UBR1: variants seen among roughly 807,000 people sequenced by gnomAD.
UBR1 encodes ubiquitin protein ligase E3 component n-recognin 1.
Under a neutral mutation model 242.1 loss-of-function variants are expected in UBR1, and 102 were observed. That is an observed-to-expected ratio of 0.42 (90% CI 0.36 to 0.50). The LOEUF (loss-of-function observed/expected upper bound fraction) is 0.50. Ranked by LOEUF, UBR1 falls within the 20% of genes least tolerant of loss-of-function variation. UBR1 has a pLI of 0.01. For synonymous variants in UBR1, 675 were observed against 684.8 expected, an observed-to-expected ratio of 0.99 and a Z score of 0.22; for missense variants, 1,772 against 2,101.8, an observed-to-expected ratio of 0.84 and a Z score of 3.07.
chr15:43,074,150 T>C (rs1037592667), intron 4 of UBR1, among the ~76,000 whole-genome samples: 11 of 152,232 alleles, frequency 7.2e-5, no homozygotes, highest in African/African-American at 1.9e-4. Flanking sequence ...TCAAGTGTAA[T>C]TGCACAAAAT....
At chr15:43,082,852 G>C (rs938676141) in intron 2 of UBR1, 136 bp from the exon 3 acceptor site, 10 of 704,936 alleles carry the variant, frequency 1.4e-5, no homozygotes, top group Non-Finnish European at 2.0e-5. Context: ...AAACTGGATT[G>C]TTAAAATGTT....
chr15:42,966,972 T>G (rs982116447), intron 40 of UBR1, among the ~76,000 whole-genome samples: 2 of 152,084 alleles, frequency 1.3e-5, no homozygotes, highest in Non-Finnish European at 2.9e-5. Flanking sequence ...CAGGCTGGAG[T>G]GCAGTGCTGC....
At chr15:42,979,430 A>T (rs1315708598) in intron 37 of UBR1, among the ~76,000 whole-genome samples, 1 of 152,166 alleles carries the variant, frequency 6.6e-6, no homozygotes, top group East Asian at 1.9e-4. Flanking sequence ...TCAGACTAAA[A>T]TGGCTTCCAG....
chr15:43,028,780 AATAT>A (rs150339606), intron 21 of UBR1, among the ~76,000 whole-genome samples: 1 of 146,958 alleles, frequency 6.8e-6, no homozygotes. Flanking sequence ...ACAACAAAAA[AATAT>A]ATATATATAT....
intron 3 of UBR1, among the ~76,000 whole-genome samples, chr15:43,077,901 A>G (rs1327185707): frequency 6.6e-6 from 1 of 152,142 alleles, no homozygotes; most frequent in African/African-American, 2.4e-5. Flanking sequence ...TCCAAAACAT[A>G]AAAAGAATAA....
intron 34 of UBR1, 72 bp from the exon 35 acceptor site, chr15:42,989,039 T>C (rs2032517504): frequency 2.3e-6 from 3 of 1,306,368 alleles, no homozygotes; most frequent in South Asian, 1.2e-5. Context: ...AATTAAGTCC[T>C]GAAGCAACAG....
chr15:43,023,796 T>C (rs958932203), intron 25 of UBR1, among the ~76,000 whole-genome samples: 2 of 152,132 alleles, frequency 1.3e-5, no homozygotes, highest in Non-Finnish European at 2.9e-5. Context: ...ATAACATTTT[T>C]GGAGGCCAAT....
chr15:43,000,667 T>C (rs1030183439), intron 32 of UBR1, among the ~76,000 whole-genome samples: 1 of 152,200 alleles, frequency 6.6e-6, no homozygotes, highest in African/African-American at 2.4e-5. Flanking sequence ...TGGACTACTG[T>C]GATAATTAAA....
chr15:43,061,297 C>T (rs1022330919), intron 6 of UBR1, among the ~76,000 whole-genome samples: 1 of 152,180 alleles, frequency 6.6e-6, no homozygotes, highest in South Asian at 2.1e-4. Flanking sequence ...CCAGAGAGGA[C>T]CTACAGACCT....
chr15:42,961,271 C>A (rs1368127153), intron 42 of UBR1, among the ~76,000 whole-genome samples: 1 of 151,772 alleles, frequency 6.6e-6, no homozygotes, highest in Non-Finnish European at 1.5e-5. Flanking sequence ...CACCACCATG[C>A]CCGGTTAATT....
At chr15:43,037,349 CAA>C (rs1282652005) in intron 17 of UBR1, among the ~76,000 whole-genome samples, 6 of 67,960 alleles carry the variant, frequency 8.8e-5, no homozygotes, top group Non-Finnish European at 9.1e-5. Flanking sequence ...GACTCTGTCT[CAA>C]AAAAAAAAAA....
chr15:42,992,507 T>TGC (rs2032571376), intron 33 of UBR1, among the ~76,000 whole-genome samples: 1 of 152,222 alleles, frequency 6.6e-6, no homozygotes, highest in Non-Finnish European at 1.5e-5. Flanking sequence ...TCAGAGCCTG[T>TGC]GCTGTGGTGT....
chr15:43,055,777 T>C (rs890335676), intron 11 of UBR1, among the ~76,000 whole-genome samples: 3 of 151,782 alleles, frequency 2.0e-5, no homozygotes, highest in Admixed American at 2.0e-4. Flanking sequence ...CAACCAGGCG[T>C]GGTGGTGCCT....
At chr15:43,055,242 C>T (rs1028417761) in intron 11 of UBR1, among the ~76,000 whole-genome samples, 2 of 152,000 alleles carry the variant, frequency 1.3e-5, no homozygotes, top group African/African-American at 4.8e-5. Flanking sequence ...CTCAGGAGTT[C>T]GAGACTATCC....
intron 30 of UBR1, among the ~76,000 whole-genome samples, chr15:43,005,420 G>T (rs964962924): frequency 7.3e-5 from 11 of 151,212 alleles, no homozygotes; most frequent in Admixed American, 3.9e-4. Flanking sequence ...CTTGGAGGGA[G>T]GTGGGGGGCA....
At chr15:43,006,019 C>G (rs1397196819) in intron 30 of UBR1, among the ~76,000 whole-genome samples, 2 of 148,826 alleles carry the variant, frequency 1.3e-5, no homozygotes, top group Non-Finnish European at 3.0e-5. Flanking sequence ...TGCTGACCTT[C>G]CCTCCACTAT....
intron 21 of UBR1, among the ~76,000 whole-genome samples, chr15:43,028,297 G>A (rs1310192463): frequency 3.9e-5 from 6 of 152,078 alleles, no homozygotes; most frequent in African/African-American, 1.4e-4. Context: ...CCTTTTGCAA[G>A]TTTTTTTCTG....
At chr15:43,028,260 C>T (rs1017247219) in intron 21 of UBR1, among the ~76,000 whole-genome samples, 2 of 152,180 alleles carry the variant, frequency 1.3e-5, no homozygotes, top group African/African-American at 4.8e-5. Context: ...TATAGCAATA[C>T]ATGTCTAGAT....
chr15:42,998,629 T>C (rs1334190390), intron 32 of UBR1, among the ~76,000 whole-genome samples: 2 of 152,162 alleles, frequency 1.3e-5, no homozygotes, highest in South Asian at 4.1e-4. Flanking sequence ...ATCTTTCAAA[T>C]ATATCCCAAG....
Sources: allele counts gnomAD v4.1 joint callset (sites outside exome capture counted in the v4.1 genomes callset), GRCh38; gene constraint gnomAD v4.1.1; transcripts MANE v1.5; gene names NCBI Gene and HGNC (gene_info 2026-07-23, HGNC 2026-07-21).